Variants in TMEM247 observed in about 807,000 individuals in gnomAD.
The protein encoded by TMEM247 is transmembrane protein 247.
A neutral mutation model predicts 20.7 loss-of-function variants in TMEM247; 23 were observed. That is an observed-to-expected ratio of 1.11 (90% CI 0.80 to 1.57). The LOEUF (loss-of-function observed/expected upper bound fraction) is 1.57, where lower values mean the gene tolerates loss of function less well. Among genes scored for constraint, TMEM247 ranks in the 40% most tolerant of loss-of-function variants. TMEM247 has a pLI of 0.00. For synonymous variants in TMEM247, 106 were observed against 111.9 expected (o/e 0.95, Z 0.33); for missense variants, 354 against 283.8 (o/e 1.25, Z -1.78).
chr2:46,483,992 C>T (rs1478250317), intron 2 of TMEM247, among the ~76,000 whole-genome samples: 1 of 152,092 alleles, frequency 6.6e-6, no homozygotes, highest in Non-Finnish European at 1.5e-5. Context: ...GGTCTCACTA[C>T]ATTGCCCAGG....
exon 2 of TMEM247, chr2:46,480,634 C>G (rs975902751): frequency 1.5e-6 from 2 of 1,341,724 alleles, no homozygotes; most frequent in Non-Finnish European, 1.9e-6. Flanking sequence ...TTCGAGCTCA[C>G]GCGGCTCAAG....
chr2:46,479,587 T>G, exon 1 of TMEM247: 1 of 1,551,502 alleles, frequency 6.4e-7, no homozygotes, highest in Non-Finnish European at 8.7e-7. Context: ...GTTTTCTGGA[T>G]GGCAGCAGAG....
Position 46,481,672 on chromosome 2 carries a change from C to T in TMEM247, c.477+908C>T, listed in dbSNP as rs111936638. On this transcript the variant is annotated intron_variant, in intron 2 of 2. Coordinates refer to ENST00000434431, the Ensembl canonical transcript of TMEM247. ...GCACATTAGGTAAGCACTCAATAAA[C>T]GTTAGCTACTACCATTTTTATGTAC... Among the ~76,000 whole-genome samples, 957 of 152,322 alleles carry T rather than the reference C, an allele frequency of 6.3e-3. 12 individuals carry two copies. The highest frequency in any genetic ancestry group is 0.022 in the African/African-American group (902 of 41,570).
Position 46,480,340 on chromosome 2 carries a change from G to A in TMEM247, c.118-65G>A, listed in dbSNP as rs72875603. ...CGGCCTGGGGCTGCGGGAGTTCCATGGGGTCAGGGGCAGCCCCATCCTGAC... is the reference window on the plus strand; with the variant it reads ...CGGCCTGGGGCTGCGGGAGTTCCATAGGGTCAGGGGCAGCCCCATCCTGAC... On this transcript the variant is annotated intron_variant, in intron 1 of 2. Coordinates refer to ENST00000434431, the Ensembl canonical transcript of TMEM247. The A allele has an allele frequency of 1.9e-3, 2,710 of 1,446,888 alleles. 60 individuals carry two copies. In the African/African-American group the frequency reaches 0.033, roughly 18 times the overall value. 89.6% of individuals were successfully genotyped at this position (1,446,888 alleles called of 1,614,324 possible). A position where few individuals can be genotyped will look rare whatever the true frequency, so the allele number is the denominator to read the frequency against.
At chr2:46,483,727 A>G (rs1321535931) in intron 2 of TMEM247, among the ~76,000 whole-genome samples, 2 of 152,190 alleles carry the variant, frequency 1.3e-5, no homozygotes, top group Non-Finnish European at 2.9e-5. Flanking sequence ...AGTTCCTTCT[A>G]TGTGCTAGTT....
intron 1 of TMEM247, among the ~76,000 whole-genome samples, chr2:46,480,051 G>A (rs190326862): frequency 6.6e-6 from 1 of 152,226 alleles, no homozygotes; most frequent in East Asian, 1.9e-4. Flanking sequence ...GTAACTTCCT[G>A]AAGACCTGGC....
chr2:46,481,613 G>C (rs550673414), intron 2 of TMEM247, among the ~76,000 whole-genome samples: 1 of 152,218 alleles, frequency 6.6e-6, no homozygotes, highest in Non-Finnish European at 1.5e-5. Flanking sequence ...GAATCAATGA[G>C]AGAACACACG....
chr2:46,480,133 T>A (rs1397335552), intron 1 of TMEM247, among the ~76,000 whole-genome samples: 1 of 151,958 alleles, frequency 6.6e-6, no homozygotes, highest in East Asian at 1.9e-4. Context: ...ATCAGAAAAA[T>A]CACTAGAAAA....
Position 46,479,710 on chromosome 2 carries a change from G to A in TMEM247, c.117+8G>A, listed in dbSNP as rs1027930541. 1 of 1,540,196 alleles carries A rather than the reference G, an allele frequency of 6.5e-7. No individual in the cohort carries two copies. The highest frequency in any genetic ancestry group is 8.8e-7 in the Non-Finnish European group (1 of 1,136,606). ...AAGCCAAGGGCTTATCTGGTAAGGG[G>A]GCTGCTGTGTCTCACCACCCCCGCC... is the stretch of plus-strand genomic sequence containing the variant. On this transcript the variant is annotated splice_region_variant and intron_variant, in intron 1 of 2. Transcript: ENST00000434431.
chr2:46,482,420 T>A (rs553555668), intron 2 of TMEM247, among the ~76,000 whole-genome samples: 3 of 152,238 alleles, frequency 2.0e-5, no homozygotes, highest in African/African-American at 7.2e-5. Context: ...AGATATGATA[T>A]TGTAACTATG....
intron 2 of TMEM247, 128 bp from the exon 3 acceptor site, chr2:46,484,116 T>C: frequency 3.5e-6 from 3 of 849,044 alleles, no homozygotes; most frequent in Non-Finnish European, 1.8e-6. Context: ...ATGGGCACTA[T>C]TACCCTTTCT....
Position 46,479,732 on chromosome 2 carries a change from C to T in TMEM247, c.117+30C>T, listed in dbSNP as rs199846705. The T allele has an allele frequency of 5.0e-4, 729 of 1,454,974 alleles. 2 individuals are homozygous for T. Among genetic ancestry groups the T allele is most frequent in the Non-Finnish European group, 6.3e-4 (670 of 1,058,994 alleles). 90.1% of individuals were successfully genotyped at this position (1,454,974 alleles called of 1,614,324 possible). A position where few individuals can be genotyped will look rare whatever the true frequency, so the allele number is the denominator to read the frequency against. On this transcript the variant is annotated intron_variant, in intron 1 of 2. Transcript: ENST00000434431. ...GGGGGCTGCTGTGTCTCACCACCCC[C>T]GCCTATTCCGTCAGGGGGAGCAAGA... is the stretch of plus-strand genomic sequence containing the variant.
Position 46,480,323 on chromosome 2 carries a change from G to A in TMEM247, c.118-82G>A, listed in dbSNP as rs536082369. 5.7e-5 allele frequency: 80 copies of A among 1,411,044 alleles called. No homozygotes were observed. The Admixed American group carries it at 1.6e-3, about 28-fold the overall frequency. 87.4% of individuals were successfully genotyped at this position (1,411,044 alleles called of 1,614,324 possible). A position where few individuals can be genotyped will look rare whatever the true frequency, so the allele number is the denominator to read the frequency against. ...AACACCCCAGTCCACTGCGGCCTGG[G>A]GCTGCGGGAGTTCCATGGGGTCAGG... On this transcript the variant is annotated intron_variant, in intron 1 of 2. Transcript: ENST00000434431.
chr2:46,482,885 T>G (rs1686915950), intron 2 of TMEM247, among the ~76,000 whole-genome samples: 1 of 152,228 alleles, frequency 6.6e-6, no homozygotes, highest in Non-Finnish European at 1.5e-5. Context: ...TGCAGCTGTT[T>G]CAACAGTGAT....
In TMEM247 at chr2:46,484,396, GCT is replaced by G; in HGVS notation, c.633_634del (p.Cys212PhefsTer3). 6 of 1,551,982 alleles carry G rather than the reference GCT, an allele frequency of 3.9e-6. No individual in the cohort carries two copies. The highest frequency in any genetic ancestry group is 5.2e-6 in the Non-Finnish European group (6 of 1,146,990). On this transcript the variant is annotated frameshift_variant, in exon 3 of 3. Coordinates refer to ENST00000434431, the Ensembl canonical transcript of TMEM247. LOFTEE classifies it high-confidence loss of function. ...ACCTATTCTGCATTGCAGCCATTTT[GCT>G]CTGTTTGATTAAAACTTTCTGGTCA...
chr2:46,480,935 G>A (rs139738519), intron 2 of TMEM247, among the ~76,000 whole-genome samples, 171 bp downstream of exon 2: 81 of 152,250 alleles, frequency 5.3e-4, no homozygotes, highest in African/African-American at 1.9e-3. Context: ...AGCCCTCTCC[G>A]CCTTGGCTCA....
At chr2:46,480,637 G>C in exon 2 of TMEM247, 1 of 1,308,218 alleles carries the variant, frequency 7.6e-7, no homozygotes, top group Non-Finnish European at 9.9e-7. Flanking sequence ...GAGCTCACGC[G>C]GCTCAAGTAC....
intron 2 of TMEM247, among the ~76,000 whole-genome samples, chr2:46,483,219 T>G (rs1430816663): frequency 1.3e-5 from 2 of 152,226 alleles, no homozygotes; most frequent in Non-Finnish European, 2.9e-5. Context: ...TTGCCTTACT[T>G]ATACATTGAT....
At chr2:46,480,787 C>T (rs1221568637) in intron 2 of TMEM247, 23 bp downstream of exon 2, 1 of 1,271,746 alleles carries the variant, frequency 7.9e-7, no homozygotes, top group Non-Finnish European at 1.0e-6. Context: ...GAACGGGGCA[C>T]TGGGAGGAGG....
Sources: allele counts gnomAD v4.1 joint callset (sites outside exome capture counted in the v4.1 genomes callset), GRCh38; gene constraint gnomAD v4.1.1; transcripts MANE v1.5; gene names NCBI Gene and HGNC (gene_info 2026-07-23, HGNC 2026-07-21).